Variants in WWOX observed in about 807,000 individuals in gnomAD.
WWOX encodes WW domain-containing oxidoreductase.
Under a neutral mutation model 46.2 loss-of-function variants are expected in WWOX, and 69 were observed. That is an observed-to-expected ratio of 1.49 (90% CI 1.23 to 1.82). The LOEUF (loss-of-function observed/expected upper bound fraction) is 1.82, where lower values mean the gene tolerates loss of function less well. WWOX is among the 40% of genes most tolerant of loss of function. WWOX has a pLI of 0.00. For missense variants in WWOX, 919 were observed against 542.6 expected, an observed-to-expected ratio of 1.69 and a Z score of -6.89; for synonymous variants, 359 against 202.6, an observed-to-expected ratio of 1.77 and a Z score of -6.56.
At chr16:78,183,177 TC>T (rs2035586968) in intron 5 of WWOX, among the ~76,000 whole-genome samples, 1 of 152,070 alleles carries the variant, frequency 6.6e-6, no homozygotes, top group South Asian at 2.1e-4. Flanking sequence ...CGAGACGTTG[TC>T]CTTGCCCTAA....
In WWOX at chr16:78,379,327, C is replaced by T. The variant is rs923990460; in HGVS notation, c.517-7533C>T. On this transcript the variant is annotated intron_variant, in intron 5 of 8. Transcript: ENST00000566780. ...GTGAGATCACAAAATAGCTAATTCC[C>T]TGTAAACAGCAACCCTTCTCTCTGC... is the stretch of plus-strand genomic sequence containing the variant. Among the ~76,000 whole-genome samples the T allele has an allele frequency of 2.6e-5, 4 of 152,252 alleles. No individual in the cohort carries two copies. The East Asian group carries it at 5.8e-4, about 22-fold the overall frequency.
intron 8 of WWOX, among the ~76,000 whole-genome samples, chr16:78,726,725 CTT>C (rs11318856): frequency 1.6e-4 from 24 of 148,164 alleles, no homozygotes; most frequent in South Asian, 4.3e-4. Context: ...TGTTTTGTTC[CTT>C]TTTTTTTTTG....
chr16:78,857,273 T>G (rs1416041089), intron 8 of WWOX, among the ~76,000 whole-genome samples: 1 of 152,204 alleles, frequency 6.6e-6, no homozygotes, highest in Non-Finnish European at 1.5e-5. Flanking sequence ...ATTCTCAACT[T>G]TATTTTTAAT....
At chr16:78,255,604 G>A (rs561419742) in intron 5 of WWOX, among the ~76,000 whole-genome samples, 13 of 152,098 alleles carry the variant, frequency 8.5e-5, no homozygotes, top group Non-Finnish European at 1.8e-4. Context: ...AGGCACAAAA[G>A]AAGGGCATCT....
intron 5 of WWOX, among the ~76,000 whole-genome samples, chr16:78,291,461 C>T (rs1051639209): frequency 3.9e-5 from 6 of 152,192 alleles, no homozygotes; most frequent in African/African-American, 9.7e-5. Context: ...AGTTATGTTT[C>T]TGTCGTTATA....
chr16:78,624,600 G>A (rs1162303205), intron 8 of WWOX, among the ~76,000 whole-genome samples: 1 of 152,030 alleles, frequency 6.6e-6, no homozygotes, highest in African/African-American at 2.4e-5. Context: ...ATCTAACTTG[G>A]CAGAAATTCA....
chr16:79,034,619 C>G (rs192113217), intron 8 of WWOX, among the ~76,000 whole-genome samples: 204 of 152,002 alleles, frequency 1.3e-3, no homozygotes, highest in Admixed American at 2.5e-3. Flanking sequence ...TGGATTGTCT[C>G]AAAGGCATTA....
chr16:78,109,740 T>C, intron 2 of WWOX, 38 bp from the exon 3 acceptor site: 1 of 1,612,922 alleles, frequency 6.2e-7, no homozygotes, highest in Non-Finnish European at 8.5e-7. Context: ...TCTTTACTTC[T>C]CCCTGGCACC....
At chr16:78,164,753 G>A (rs1412056628) in intron 5 of WWOX, among the ~76,000 whole-genome samples, 2 of 152,182 alleles carry the variant, frequency 1.3e-5, no homozygotes, top group African/African-American at 4.8e-5. Context: ...CAAGGATATA[G>A]TATTAAACGA....
intron 6 of WWOX, among the ~76,000 whole-genome samples, chr16:78,395,574 T>G (rs544341843): frequency 6.6e-6 from 1 of 151,812 alleles, no homozygotes; most frequent in Non-Finnish European, 1.5e-5. Flanking sequence ...AAAGGAAAAT[T>G]GGGCCCAGGA....
At chr16:78,427,144 T>C (rs2083100111) in intron 7 of WWOX, among the ~76,000 whole-genome samples, 1 of 152,152 alleles carries the variant, frequency 6.6e-6, no homozygotes, top group African/African-American at 2.4e-5. Flanking sequence ...TGCTGTAAAA[T>C]GCAAGTGCTG....
chr16:78,622,149 G>T (rs58196441), intron 8 of WWOX, among the ~76,000 whole-genome samples: 3,633 of 152,190 alleles, frequency 0.024, 167 homozygotes, highest in African/African-American at 0.083. Flanking sequence ...TGACTATTGG[G>T]AAGAAATTTG....
intron 8 of WWOX, among the ~76,000 whole-genome samples, chr16:78,542,839 G>A (rs115008176): frequency 0.031 from 4,791 of 152,204 alleles, 141 homozygotes; most frequent in African/African-American, 0.078. Flanking sequence ...ATTGAGATGG[G>A]ATTCTCAGTT....
chr16:78,441,962 G>C (rs1288555195), intron 8 of WWOX, among the ~76,000 whole-genome samples: 1 of 111,146 alleles, frequency 9.0e-6, no homozygotes, highest in Admixed American at 8.0e-5. Context: ...GCGCATGAGT[G>C]TGTGTGTGTG....
intron 8 of WWOX, among the ~76,000 whole-genome samples, chr16:78,833,421 A>ACC (rs2078558543): frequency 2.4e-5 from 2 of 83,120 alleles, no homozygotes; most frequent in African/African-American, 7.8e-5. Flanking sequence ...TGGCCCAGCC[A>ACC]TCTCCTCCTC....
At chr16:78,431,494 G>C (rs111378961) in intron 7 of WWOX, among the ~76,000 whole-genome samples, 23 of 152,288 alleles carry the variant, frequency 1.5e-4, no homozygotes, top group African/African-American at 5.3e-4. Flanking sequence ...TCAAAGGTTA[G>C]GAATGTGATA....
intron 8 of WWOX, among the ~76,000 whole-genome samples, chr16:79,037,528 A>G (rs1300710994): frequency 6.6e-6 from 1 of 152,178 alleles, no homozygotes; most frequent in African/African-American, 2.4e-5. Context: ...TCCCAAAGTC[A>G]CACTGCTGAT....
intron 8 of WWOX, among the ~76,000 whole-genome samples, chr16:78,749,558 T>G (rs770994763): frequency 6.6e-6 from 1 of 152,136 alleles, no homozygotes; most frequent in Admixed American, 6.5e-5. Context: ...CAAAGTAGTT[T>G]AAGGATGTAT....
At chr16:78,567,039 C>T (rs1291056512) in intron 8 of WWOX, among the ~76,000 whole-genome samples, 1 of 152,102 alleles carries the variant, frequency 6.6e-6, no homozygotes, top group Non-Finnish European at 1.5e-5. Flanking sequence ...GTCATACATT[C>T]ATTATTTGTT....
Sources: allele counts gnomAD v4.1 joint callset (sites outside exome capture counted in the v4.1 genomes callset), GRCh38; gene constraint gnomAD v4.1.1; transcripts MANE v1.5; gene names NCBI Gene and HGNC (gene_info 2026-07-23, HGNC 2026-07-21).